The following COA8 variants were observed in gnomAD, a reference collection of about 807,000 sequenced individuals.
COA8 encodes the protein UPF0671 protein C14orf153.
A neutral mutation model predicts 22.0 loss-of-function variants in COA8; 20 were observed. The ratio of observed to expected loss-of-function variants is 0.91; its 90% CI spans 0.64 to 1.32. The LOEUF is 1.32. COA8 is among the 40% of genes most tolerant of loss of function. The pLI is 0.00. For synonymous variants in COA8, 105 were observed against 79.9 expected, an observed-to-expected ratio of 1.31 and a Z score of -1.68; for missense variants, 266 against 230.0, an observed-to-expected ratio of 1.16 and a Z score of -1.01.
Position 103,587,382 on chromosome 14 carries a change from T to C in COA8, c.476+18T>C. ...TATAACAGGTAGGTGTTTACTCTTT[T>C]CCTGAAAATTTGAATAGCACATCCA... is the stretch of plus-strand genomic sequence containing the variant. On this transcript the variant is annotated intron_variant, in intron 4 of 4. Transcript: ENST00000409074. 6.4e-7 allele frequency: 1 copy of C among 1,572,640 alleles called. No homozygotes were observed. Among genetic ancestry groups the C allele is most frequent in the Non-Finnish European group, 8.7e-7 (1 of 1,148,488 alleles).
intron 4 of COA8, 37 bp from the exon 5 acceptor site, chr14:103,590,144 C>T: frequency 6.3e-7 from 1 of 1,574,958 alleles, no homozygotes; most frequent in Non-Finnish European, 8.7e-7. Flanking sequence ...TCAGTCCCTG[C>T]CACCGTGTCA....
intron 1 of COA8, among the ~76,000 whole-genome samples, chr14:103,566,425 G>GA (rs892200710): frequency 1.1e-4 from 16 of 151,568 alleles, no homozygotes; most frequent in Admixed American, 2.6e-4. Context: ...TTCTCAAAAA[G>GA]AAAAAAAAGA....
chr14:103,580,963 A>AT (rs1252414515), intron 3 of COA8, among the ~76,000 whole-genome samples: 7 of 151,566 alleles, frequency 4.6e-5, no homozygotes, highest in East Asian at 3.9e-4. Flanking sequence ...CGCCCGGCTA[A>AT]TTTTTTTTGT....
At chr14:103,570,710 G>A (rs544913580) in intron 1 of COA8, among the ~76,000 whole-genome samples, 1 of 152,320 alleles carries the variant, frequency 6.6e-6, no homozygotes, top group South Asian at 2.1e-4. Flanking sequence ...TCTAGCCTGG[G>A]CGATAGAGCG....
At chr14:103,570,904 A>G (rs1169186406) in intron 1 of COA8, among the ~76,000 whole-genome samples, 3 of 152,270 alleles carry the variant, frequency 2.0e-5, no homozygotes, top group African/African-American at 4.8e-5. Context: ...TCTGGGTGCA[A>G]TCACAGGGGT....
At chr14:103,588,474 T>TAAAA (rs370081517) in intron 4 of COA8, among the ~76,000 whole-genome samples, 16 of 139,334 alleles carry the variant, frequency 1.1e-4, no homozygotes, top group African/African-American at 3.9e-4. Context: ...AGTAAGTAAT[T>TAAAA]AAAAAAATAT....
intron 3 of COA8, among the ~76,000 whole-genome samples, chr14:103,577,003 C>T (rs1460966108): frequency 6.6e-6 from 1 of 152,228 alleles, no homozygotes; most frequent in Non-Finnish European, 1.5e-5. Context: ...TCAGAAATAA[C>T]ACACATTTAT....
In COA8 at chr14:103,590,429, G is replaced by A. The variant is rs2076342902; in HGVS notation, c.*143G>A. On this transcript the variant is annotated 3_prime_UTR_variant, in exon 5 of 5. Coordinates refer to ENST00000409074, the MANE Select transcript of COA8 (RefSeq NM_001370595.2). ...GGCCCCATGGCCTGTTTGGGGGCAG[G>A]GTAGGTCCTGGGGCACTGTGGGCCG... 10 of 706,948 alleles carry A rather than the reference G, an allele frequency of 1.4e-5. No individual in the cohort carries two copies. The allele number at this position is 706,948 out of a possible 1,614,324, so 43.8% of individuals were successfully genotyped here.
At position 103,563,040 on chromosome 14, in the gene COA8, C is replaced by T. The variant is rs1359048993; in HGVS notation, c.39C>T (p.Pro13=). 21 of 1,545,374 alleles carry T rather than the reference C, an allele frequency of 1.4e-5. No homozygotes were observed. Among genetic ancestry groups the T allele is most frequent in the Admixed American group, 3.8e-5 (2 of 52,282 alleles). Residue 13 remains proline (P), a synonymous_variant, in exon 1 of 5, where the codon CCC becomes CCT. Coordinates refer to ENST00000409074, the MANE Select transcript of COA8 (RefSeq NM_001370595.2). ...VLRAGKKTFL[P]PLCRAFACRG... The stretch of plus-strand genomic sequence containing the variant: ...GGGCGGGGAAGAAGACCTTTCTCCC[C>T]CCTCTCTGCCGCGCCTTCGCCTGCC...
In COA8 at chr14:103,574,078, CTTTTTTTTTTTTT is replaced by C. The variant is rs11337243; in HGVS notation, c.322-16_322-4del. 5 of 1,013,640 alleles carry C rather than the reference CTTTTTTTTTTTTT, an allele frequency of 4.9e-6. No homozygotes were observed. The highest frequency in any genetic ancestry group is 4.0e-4 in the Middle Eastern group (1 of 2,530). The allele number at this position is 1,013,640 out of a possible 1,614,324, so 62.8% of individuals were successfully genotyped here. A position where few individuals can be genotyped will look rare whatever the true frequency, so the allele number is the denominator to read the frequency against. Reference sequence around the variant, plus strand: ...AGACAGAGAAAGGAGTTCTGAGAGCCTTTTTTTTTTTTTTTTTTTTTTTTTAAGGAAAAAGAAG... The same window carrying C: ...AGACAGAGAAAGGAGTTCTGAGAGCCTTTTTTTTTTTTAAGGAAAAAGAAG... On this transcript the variant is annotated splice_polypyrimidine_tract_variant and intron_variant, in intron 2 of 4. Coordinates refer to ENST00000409074, the MANE Select transcript of COA8 (RefSeq NM_001370595.2).
At chr14:103,577,552 G>A (rs1409193682) in intron 3 of COA8, among the ~76,000 whole-genome samples, 3 of 152,050 alleles carry the variant, frequency 2.0e-5, no homozygotes, top group Non-Finnish European at 4.4e-5. Flanking sequence ...ACCCCAGGAA[G>A]CAGGCAAATG....
In COA8 at chr14:103,581,962, C is replaced by A. The variant is rs1259125324; in HGVS notation, c.386-5312C>A. ...GGAATCATGCCTTTGGCCACTTTGCCCACTCCCCCTTGGGCCGGAGCATCA... is the reference window on the plus strand; with the variant it reads ...GGAATCATGCCTTTGGCCACTTTGCACACTCCCCCTTGGGCCGGAGCATCA... On this transcript the variant is annotated intron_variant, in intron 3 of 4. Coordinates refer to ENST00000409074, the MANE Select transcript of COA8 (RefSeq NM_001370595.2). The surrounding 1 kb of genome is among the most constrained non-coding windows in gnomAD (Gnocchi z 4.1). Among the ~76,000 whole-genome samples the A allele has an allele frequency of 6.6e-6, 1 of 152,168 alleles. No individual in the cohort carries two copies. The highest frequency in any genetic ancestry group is 2.4e-5 in the African/African-American group (1 of 41,446).
chr14:103,572,252 A>T (rs946218044), intron 2 of COA8, among the ~76,000 whole-genome samples: 20 of 152,324 alleles, frequency 1.3e-4, no homozygotes, highest in Admixed American at 1.3e-3. Context: ...GTCTCAGTCC[A>T]TCCCCCGCAC....
At chr14:103,577,220 C>A (rs148190055) in intron 3 of COA8, among the ~76,000 whole-genome samples, 58 of 152,034 alleles carry the variant, frequency 3.8e-4, no homozygotes, top group African/African-American at 1.4e-3. Flanking sequence ...TAGGCACCCG[C>A]CCCCACACCT....
chr14:103,563,260 A>C, intron 1 of COA8, 136 bp downstream of exon 1: 1 of 1,215,278 alleles, frequency 8.2e-7, no homozygotes, highest in South Asian at 1.3e-5. Context: ...TATCCCGAAC[A>C]GTCCCGCAGC....
At chr14:103,578,192 CA>C (rs200140217) in intron 3 of COA8, among the ~76,000 whole-genome samples, 3 of 149,012 alleles carry the variant, frequency 2.0e-5, no homozygotes, top group African/African-American at 4.9e-5. Context: ...AGACTGTCTC[CA>C]AAAAAAAAAT....
intron 3 of COA8, among the ~76,000 whole-genome samples, chr14:103,580,660 A>AT (rs916326068): frequency 6.6e-6 from 1 of 150,434 alleles, no homozygotes; most frequent in African/African-American, 2.5e-5. Flanking sequence ...CACCAAGCTA[A>AT]TTTTTTTTGT....
chr14:103,570,470 C>T (rs1300659962), intron 1 of COA8, among the ~76,000 whole-genome samples: 6 of 152,136 alleles, frequency 3.9e-5, no homozygotes, highest in South Asian at 4.1e-4. Context: ...CGGTGGCTCA[C>T]GCCTGTAATC....
chr14:103,588,480 A>AAAATATAT (rs1555414271), intron 4 of COA8, among the ~76,000 whole-genome samples: 1 of 143,808 alleles, frequency 7.0e-6, no homozygotes, highest in African/African-American at 2.5e-5. Context: ...TAATTAAAAA[A>AAAATATAT]ATATATATAT....
Sources: gnomAD v4.1 joint callset for allele counts (sites outside exome capture counted in the v4.1 genomes callset) on GRCh38, gnomAD v4.1.1 for gene constraint, Gnocchi (gnomAD v3.1) non-coding constraint, MANE v1.5 for transcripts, NCBI Gene and HGNC (gene_info 2026-07-23, HGNC 2026-07-21) for gene names.